The following NOS1AP variants were observed in gnomAD, a reference collection of about 807,000 sequenced individuals.
NOS1AP encodes the protein carboxyl-terminal PDZ ligand of neuronal nitric oxide synthase protein.
Under a neutral mutation model 56.2 loss-of-function variants are expected in NOS1AP, and 21 were observed. The observed-to-expected ratio is 0.37, with a 90% confidence interval of 0.26 to 0.54. The LOEUF (loss-of-function observed/expected upper bound fraction) is 0.54, where lower values mean the gene tolerates loss of function less well. NOS1AP is among the 20% of genes least tolerant of loss of function. The pLI, the probability that NOS1AP is intolerant of heterozygous loss-of-function variation, is 0.84. For synonymous variants in NOS1AP, 270 were observed against 274.6 expected (o/e 0.98, Z 0.17); for missense variants, 522 against 657.8 (o/e 0.79, Z 2.26).
intron 2 of NOS1AP, among the ~76,000 whole-genome samples, chr1:162,264,482 TCCCCTCTC>T (rs1160643520): frequency 9.2e-4 from 96 of 104,236 alleles, no homozygotes; most frequent in East Asian, 4.9e-3. Flanking sequence ...TCCCCTCCCC[TCCCCTCTC>T]CTCCTCTCCT....
chr1:162,202,631 G>A lies in NOS1AP; in HGVS notation c.177+48155G>A, dbSNP rs568063265. Among the ~76,000 whole-genome samples the A allele has an allele frequency of 3.4e-4, 51 of 152,132 alleles. 1 individual carries two copies. The highest frequency in any genetic ancestry group is 9.2e-4 in the Admixed American group (14 of 15,280). ...GTAAATATTATGAATAAATTTTTGC[G>A]TGTGTTTCAGATTATTTCCTTGGGT... On this transcript the variant is annotated intron_variant, in intron 2 of 9. Transcript: ENST00000361897.
At chr1:162,101,302 G>A (rs922910425) in intron 1 of NOS1AP, among the ~76,000 whole-genome samples, 1 of 152,150 alleles carries the variant, frequency 6.6e-6, no homozygotes, top group Non-Finnish European at 1.5e-5. Flanking sequence ...CTATATGTCT[G>A]TTCTTGTACC....
At chr1:162,325,699 A>G (rs904340761) in intron 4 of NOS1AP, among the ~76,000 whole-genome samples, 7 of 152,004 alleles carry the variant, frequency 4.6e-5, no homozygotes, top group Non-Finnish European at 1.0e-4. Context: ...CATGTGTCAC[A>G]TTGTGCTTCT....
chr1:162,203,974 G>A (rs1233253360), intron 2 of NOS1AP, among the ~76,000 whole-genome samples: 1 of 152,092 alleles, frequency 6.6e-6, no homozygotes, highest in Non-Finnish European at 1.5e-5. Context: ...GCCACCACAG[G>A]CCCCCTTCAG....
chr1:162,236,470 G>A (rs1002192729), intron 2 of NOS1AP, among the ~76,000 whole-genome samples: 4 of 152,140 alleles, frequency 2.6e-5, no homozygotes, highest in African/African-American at 9.7e-5. Flanking sequence ...GTGTGTCCAG[G>A]GATACCCAGA....
At position 162,191,210 on chromosome 1, in the gene NOS1AP, G is replaced by A. The variant is rs1010600939; in HGVS notation, c.177+36734G>A. Among the ~76,000 whole-genome samples, 7 of 152,182 alleles carry A rather than the reference G, an allele frequency of 4.6e-5. No individual in the cohort carries two copies. In the East Asian group the frequency reaches 5.8e-4, roughly 13 times the overall value. On this transcript the variant is annotated intron_variant, in intron 2 of 9. Transcript: ENST00000361897. Reference sequence around the variant, plus strand: ...TTTTTCTCAGTGTGCCCCATACCACGGGCACTGTCCACACAGGAACATCAG... The same window carrying A: ...TTTTTCTCAGTGTGCCCCATACCACAGGCACTGTCCACACAGGAACATCAG...
chr1:162,238,322 T>G (rs1653372256), intron 2 of NOS1AP, among the ~76,000 whole-genome samples: 1 of 152,088 alleles, frequency 6.6e-6, no homozygotes, highest in Non-Finnish European at 1.5e-5. Context: ...TCACAGCCTG[T>G]GCTACATTAA....
intron 1 of NOS1AP, among the ~76,000 whole-genome samples, chr1:162,100,618 G>A (rs2102030994): frequency 6.7e-6 from 1 of 148,428 alleles, no homozygotes; most frequent in African/African-American, 2.6e-5. Context: ...CTTTTGCTGT[G>A]CAGAAGCTCT....
chr1:162,360,942 T>A (rs2101825631), intron 8 of NOS1AP: 1 of 455,820 alleles, frequency 2.2e-6, no homozygotes, highest in African/African-American at 2.0e-5. Flanking sequence ...AGCTGGAGAG[T>A]GAGGGCGCCA....
chr1:162,160,974 G>A (rs1299552045), intron 2 of NOS1AP, among the ~76,000 whole-genome samples: 1 of 152,152 alleles, frequency 6.6e-6, no homozygotes, highest in Non-Finnish European at 1.5e-5. Flanking sequence ...AGCTTCCAGA[G>A]GCTCCCTAGA....
chr1:162,328,865 A>G (rs970451035), intron 4 of NOS1AP, among the ~76,000 whole-genome samples: 1 of 152,254 alleles, frequency 6.6e-6, no homozygotes, highest in Non-Finnish European at 1.5e-5. Flanking sequence ...CCTGACAGAC[A>G]GAGATGCTGG....
chr1:162,189,727 T>A (rs2102153848), intron 2 of NOS1AP, among the ~76,000 whole-genome samples: 1 of 152,304 alleles, frequency 6.6e-6, no homozygotes, highest in South Asian at 2.1e-4. Context: ...GAGAAAATTA[T>A]TTTTATCTAA....
intron 1 of NOS1AP, among the ~76,000 whole-genome samples, chr1:162,101,535 T>C (rs1647262006): frequency 6.6e-6 from 1 of 152,228 alleles, no homozygotes; most frequent in African/African-American, 2.4e-5. Flanking sequence ...GTATGTACTT[T>C]GGGCATTTTT....
At chr1:162,138,344 G>A (rs1164101460) in intron 1 of NOS1AP, among the ~76,000 whole-genome samples, 6 of 152,166 alleles carry the variant, frequency 3.9e-5, no homozygotes, top group Non-Finnish European at 8.8e-5. Context: ...TGTAAATGTG[G>A]GCAGAGTGGC....
intron 8 of NOS1AP, chr1:162,363,911 C>A: frequency 1.0e-6 from 1 of 985,404 alleles, no homozygotes; most frequent in Non-Finnish European, 1.2e-6. Context: ...AGGCATTATG[C>A]CCCTGTGGCT....
At chr1:162,364,331 C>A in intron 8 of NOS1AP, 2 of 985,468 alleles carry the variant, frequency 2.0e-6, no homozygotes, top group Non-Finnish European at 2.4e-6. Context: ...CATAAAAATT[C>A]ATTAGTTCCC....
chr1:162,291,517 C>T (rs1346647792), intron 3 of NOS1AP, among the ~76,000 whole-genome samples: 1 of 151,636 alleles, frequency 6.6e-6, no homozygotes, highest in Non-Finnish European at 1.5e-5. Flanking sequence ...GAGATCCTTT[C>T]TCAAATATAG....
chr1:162,276,255 C>G (rs1046744277), intron 2 of NOS1AP, among the ~76,000 whole-genome samples: 2 of 152,140 alleles, frequency 1.3e-5, no homozygotes, highest in African/African-American at 4.8e-5. Context: ...CATCTCTTCA[C>G]CCAAGTTCAT....
intron 1 of NOS1AP, among the ~76,000 whole-genome samples, chr1:162,075,911 C>A (rs1226683704): frequency 6.6e-6 from 1 of 152,152 alleles, no homozygotes; most frequent in Admixed American, 6.5e-5. Flanking sequence ...ATTTGATGGA[C>A]AAATCTATTT....
Sources: allele counts gnomAD v4.1 joint callset (sites outside exome capture counted in the v4.1 genomes callset), GRCh38; gene constraint gnomAD v4.1.1; transcripts MANE v1.5; gene names NCBI Gene and HGNC (gene_info 2026-07-23, HGNC 2026-07-21).